The following CSMD1 variants were observed in gnomAD, a reference collection of about 807,000 sequenced individuals.
CSMD1 encodes the protein CUB and sushi domain-containing protein 1.
A neutral mutation model predicts 417.5 loss-of-function variants in CSMD1; 213 were observed. The ratio of observed to expected loss-of-function variants is 0.51; its 90% CI spans 0.46 to 0.57. The LOEUF (loss-of-function observed/expected upper bound fraction) is 0.57. CSMD1 is among the 20% of genes least tolerant of loss of function. CSMD1 has a pLI of 0.00. For missense variants in CSMD1, 6,923 were observed against 4,529.7 expected (o/e 1.53, Z -15.17); for synonymous variants, 2,862 against 1,736.8 (o/e 1.65, Z -16.11).
At chr8:3,516,715 T>A (rs766242672) in intron 10 of CSMD1, among the ~76,000 whole-genome samples, 70 of 152,170 alleles carry the variant, frequency 4.6e-4, no homozygotes, top group Admixed American at 7.9e-4. Flanking sequence ...TGGTGGAGAT[T>A]TGTGATATTT....
intron 3 of CSMD1, among the ~76,000 whole-genome samples, chr8:4,236,039 GTTTTTTTTTTTTT>G (rs869245155): frequency 0.039 from 1,227 of 31,684 alleles, 14 homozygotes; most frequent in African/African-American, 0.081. Context: ...TTTTTTGTTT[GTTTTTTTTTTTTT>G]TTTTTTTTTT....
At chr8:4,847,060 G>A (rs905842463) in intron 1 of CSMD1, among the ~76,000 whole-genome samples, 3 of 151,970 alleles carry the variant, frequency 2.0e-5, no homozygotes, top group Non-Finnish European at 2.9e-5. Flanking sequence ...GATAATTGGC[G>A]AACTTTGTCA....
intron 7 of CSMD1, among the ~76,000 whole-genome samples, chr8:3,679,640 A>T (rs1307706760): frequency 6.6e-6 from 1 of 152,152 alleles, no homozygotes; most frequent in African/African-American, 2.4e-5. Flanking sequence ...ACAGCAAGTT[A>T]ACAAGGATAT....
At chr8:3,987,436 T>A (rs922700694) in intron 5 of CSMD1, among the ~76,000 whole-genome samples, 1 of 152,186 alleles carries the variant, frequency 6.6e-6, no homozygotes, top group Non-Finnish European at 1.5e-5. Flanking sequence ...CCTGGTACAG[T>A]GGTAGGTTTC....
intron 1 of CSMD1, among the ~76,000 whole-genome samples, chr8:4,742,107 T>C (rs191322872): frequency 1.5e-5 from 2 of 136,518 alleles, no homozygotes; most frequent in Non-Finnish European, 3.1e-5. Context: ...CTCGGCTCAC[T>C]GCAAGCTCCG....
At chr8:4,948,227 A>T (rs1184774127) in intron 1 of CSMD1, among the ~76,000 whole-genome samples, 9 of 152,068 alleles carry the variant, frequency 5.9e-5, no homozygotes, top group Non-Finnish European at 1.3e-4. Context: ...AGTAGGTATC[A>T]AATAGTATCA....
intron 12 of CSMD1, among the ~76,000 whole-genome samples, chr8:3,422,920 A>T (rs1325291472): frequency 6.6e-6 from 1 of 152,142 alleles, no homozygotes; most frequent in Admixed American, 6.5e-5. Flanking sequence ...TGGCAGAAGG[A>T]AAAGGGCAAA....
At chr8:4,893,957 C>G (rs1278021441) in intron 1 of CSMD1, among the ~76,000 whole-genome samples, 2 of 151,736 alleles carry the variant, frequency 1.3e-5, no homozygotes, top group Non-Finnish European at 2.9e-5. Flanking sequence ...AGCTTTTTGT[C>G]TTTTTTTTAG....
chr8:4,622,284 A>C (rs988441846), intron 2 of CSMD1, among the ~76,000 whole-genome samples: 1 of 152,088 alleles, frequency 6.6e-6, no homozygotes, highest in African/African-American at 2.4e-5. Flanking sequence ...GCTGAGATTC[A>C]GAGCTGGCTG....
At chr8:3,842,897 A>C (rs549691700) in intron 5 of CSMD1, among the ~76,000 whole-genome samples, 2 of 152,300 alleles carry the variant, frequency 1.3e-5, no homozygotes, top group South Asian at 4.1e-4. Flanking sequence ...ATTACAAATA[A>C]AAATATAAAA....
chr8:4,260,219 A>G (rs1803779405), intron 3 of CSMD1, among the ~76,000 whole-genome samples: 1 of 152,158 alleles, frequency 6.6e-6, no homozygotes. Context: ...ATTGGGGTGA[A>G]CACTACCTCT....
At chr8:4,110,304 A>G (rs1801783774) in intron 3 of CSMD1, among the ~76,000 whole-genome samples, 1 of 152,126 alleles carries the variant, frequency 6.6e-6, no homozygotes, top group Non-Finnish European at 1.5e-5. Flanking sequence ...TTATTTATCC[A>G]CCATTTCCCA....
intron 49 of CSMD1, among the ~76,000 whole-genome samples, chr8:3,054,766 G>C (rs1171059363): frequency 6.6e-6 from 1 of 152,176 alleles, no homozygotes. Context: ...ATTTGCAGTA[G>C]AAGGAAAACG....
chr8:4,280,535 C>A (rs1225026147), intron 3 of CSMD1, among the ~76,000 whole-genome samples: 1 of 152,152 alleles, frequency 6.6e-6, no homozygotes, highest in Non-Finnish European at 1.5e-5. Flanking sequence ...TTACAGTGCC[C>A]ACATTTGCAT....
chr8:3,162,307 T>A, intron 37 of CSMD1, 30 bp from the exon 38 acceptor site: 1 of 1,352,504 alleles, frequency 7.4e-7, no homozygotes. Context: ...TGCTAGAAAT[T>A]ATATGATGTA....
chr8:3,308,196 C>CTCAG, intron 24 of CSMD1, 116 bp downstream of exon 24: 1 of 787,166 alleles, frequency 1.3e-6, no homozygotes, highest in East Asian at 2.7e-5. Context: ...ATAAAACTCA[C>CTCAG]ACTGGAAAGT....
At chr8:3,894,109 T>G (rs1345371523) in intron 5 of CSMD1, among the ~76,000 whole-genome samples, 1 of 152,226 alleles carries the variant, frequency 6.6e-6, no homozygotes, top group Non-Finnish European at 1.5e-5. Context: ...GTTCCGTCTA[T>G]TCTGCACCTC....
intron 5 of CSMD1, among the ~76,000 whole-genome samples, chr8:3,963,768 T>C (rs1210607074): frequency 6.6e-6 from 1 of 152,210 alleles, no homozygotes; most frequent in East Asian, 1.9e-4. Flanking sequence ...TAGTATAGTA[T>C]ATGTATAGCA....
chr8:4,313,554 G>C (rs574949401), intron 3 of CSMD1, among the ~76,000 whole-genome samples: 1 of 150,494 alleles, frequency 6.6e-6, no homozygotes, highest in Non-Finnish European at 1.5e-5. Context: ...GAGGAAATAC[G>C]TGTTATGGGA....
Sources: gnomAD v4.1 joint callset for allele counts (sites outside exome capture counted in the v4.1 genomes callset) on GRCh38, gnomAD v4.1.1 for gene constraint, MANE v1.5 for transcripts, NCBI Gene and HGNC (gene_info 2026-07-23, HGNC 2026-07-21) for gene names.